ADAMTS20: variants seen among roughly 807,000 people sequenced by gnomAD.
ADAMTS20 encodes the protein A disintegrin and metalloproteinase with thrombospondin motifs 20.
A neutral mutation model predicts 260.1 loss-of-function variants in ADAMTS20; 225 were observed. The observed-to-expected ratio is 0.87, with a 90% CI of 0.78 to 0.97. ADAMTS20 has a LOEUF of 0.97. Among genes scored for constraint, ADAMTS20 ranks in the 50% least tolerant of loss-of-function variants. The pLI, the probability that ADAMTS20 is intolerant of heterozygous loss-of-function variation, is 0.00. For missense variants in ADAMTS20, 2,400 were observed against 2,337.7 expected (o/e 1.03, Z -0.55); for synonymous variants, 802 against 769.5 (o/e 1.04, Z -0.70).
chr12:43,479,530 A>G (rs1592090728), intron 7 of ADAMTS20, among the ~76,000 whole-genome samples: 1 of 152,142 alleles, frequency 6.6e-6, no homozygotes, highest in Non-Finnish European at 1.5e-5. Context: ...AATAAAAATA[A>G]CAAGTCTCCA....
At chr12:43,534,846 G>C (rs1943272403) in intron 2 of ADAMTS20, among the ~76,000 whole-genome samples, 1 of 152,160 alleles carries the variant, frequency 6.6e-6, no homozygotes, top group Admixed American at 6.6e-5. Context: ...TAGGAACAGT[G>C]CCGATAGAAG....
intron 7 of ADAMTS20, among the ~76,000 whole-genome samples, chr12:43,479,159 T>A (rs1222297784): frequency 3.9e-5 from 6 of 152,146 alleles, no homozygotes; most frequent in Non-Finnish European, 8.8e-5. Flanking sequence ...TTATCAGAGA[T>A]AAAGAGAGTC....
chr12:43,504,859 AT>A (rs1465007592), intron 3 of ADAMTS20, among the ~76,000 whole-genome samples: 1 of 152,226 alleles, frequency 6.6e-6, no homozygotes, highest in Non-Finnish European at 1.5e-5. Flanking sequence ...AATGACTAAA[AT>A]TACAAAGAGC....
intron 3 of ADAMTS20, among the ~76,000 whole-genome samples, chr12:43,524,718 G>A (rs995610438): frequency 6.6e-6 from 1 of 152,162 alleles, no homozygotes; most frequent in South Asian, 2.1e-4. Context: ...ACAAAATGCA[G>A]TGGAAACTTT....
At position 43,458,927 on chromosome 12, in the gene ADAMTS20, G is replaced by A. The variant is rs1046724480; in HGVS notation, c.1614+3968C>T. Among the ~76,000 whole-genome samples, 3 of 152,116 alleles carry A rather than the reference G, an allele frequency of 2.0e-5. No homozygotes were observed. The South Asian group carries it at 6.2e-4, about 32-fold the overall frequency. On this transcript the variant is annotated intron_variant, in intron 11 of 38. Coordinates refer to ENST00000389420, the MANE Select transcript of ADAMTS20 (RefSeq NM_025003.5). ...CCCAACCAATCAGGTAGTAAAGAGA[G>A]CTCACTAAAATGCTAATTAGGCAAA...
chr12:43,501,465 G>GCACA (rs1565573883), intron 4 of ADAMTS20, among the ~76,000 whole-genome samples: 2 of 34,900 alleles, frequency 5.7e-5, no homozygotes, highest in East Asian at 1.8e-3. Context: ...GGGGATACGC[G>GCACA]CGCGCGCGCG....
chr12:43,411,071 T>C (rs914840923), intron 28 of ADAMTS20, among the ~76,000 whole-genome samples: 2 of 152,196 alleles, frequency 1.3e-5, no homozygotes, highest in African/African-American at 4.8e-5. Flanking sequence ...ATCACAATAA[T>C]TTAACTCTTT....
chr12:43,382,181 T>A (rs1334019514), intron 31 of ADAMTS20, among the ~76,000 whole-genome samples: 1 of 152,274 alleles, frequency 6.6e-6, no homozygotes, highest in East Asian at 1.9e-4. Flanking sequence ...AAAACTTGTA[T>A]GCAAATGTTC....
Position 43,492,545 on chromosome 12 carries a change from C to T in ADAMTS20, c.1036G>A (p.Val346Ile), listed in dbSNP as rs773965169. Residue 346 changes from valine to isoleucine, a missense_variant, in exon 6 of 39, where the codon GTT becomes ATT. Coordinates refer to ENST00000389420, the MANE Select transcript of ADAMTS20 (RefSeq NM_025003.5). ...GCAGTGTCATGGTGGGAAGGGTGAA[C>T]ATCATCAAGGTCATTCTGAGTTTGT... is the stretch of plus-strand genomic sequence containing the variant. The part of the protein sequence containing the change: ...WQQTQNDLDD[V>I]HPSHHDTAVL... 7 of 1,613,628 alleles carry T rather than the reference C, an allele frequency of 4.3e-6. No homozygotes were observed. The highest frequency in any genetic ancestry group is 1.1e-5 in the South Asian group (1 of 91,068).
intron 35 of ADAMTS20, 67 bp downstream of exon 35, chr12:43,375,990 G>A (rs1167619848): frequency 3.4e-6 from 4 of 1,180,618 alleles, no homozygotes; most frequent in Non-Finnish European, 3.6e-6. Context: ...TCACTCTGAG[G>A]GCTAGAAGTT....
intron 36 of ADAMTS20, among the ~76,000 whole-genome samples, chr12:43,374,349 C>T (rs1940175526): frequency 6.6e-6 from 1 of 152,064 alleles, no homozygotes; most frequent in Admixed American, 6.5e-5. Flanking sequence ...CCATGCTAGG[C>T]ACTGATGATT....
At position 43,428,648 on chromosome 12, in the gene ADAMTS20, C is replaced by T; in HGVS notation, c.3641G>A (p.Gly1214Glu). ...AAGAATACTTACGGGTGACCAATCC[C>T]CTGCTTGCCACTCTCCACAAGGGGT... ...CFTPCGEWQA[G>E]DWSPCSASCG... Residue 1214 changes from glycine to glutamate, a missense_variant, in exon 25 of 39, where the codon GGG becomes GAG. Physicochemically the swap from Gly to Glu is moderately conservative, Grantham distance 98 (BLOSUM62 -2). Transcript: ENST00000389420. 6.3e-7 allele frequency: 1 copy of T among 1,587,672 alleles called. No homozygotes were observed. Among genetic ancestry groups the T allele is most frequent in the Non-Finnish European group, 8.6e-7 (1 of 1,165,920 alleles).
chr12:43,539,717 T>C (rs1943349766), intron 2 of ADAMTS20, among the ~76,000 whole-genome samples: 1 of 152,190 alleles, frequency 6.6e-6, no homozygotes, highest in Non-Finnish European at 1.5e-5. Context: ...AATCCTTTTC[T>C]GCCTTTTTTA....
intron 29 of ADAMTS20, among the ~76,000 whole-genome samples, chr12:43,393,717 C>T (rs1940643427): frequency 1.3e-5 from 2 of 151,830 alleles, no homozygotes; most frequent in Middle Eastern, 3.4e-3. Context: ...TGGTTTATTT[C>T]AAGGGAATCA....
chr12:43,462,053 AAGAGAAAAG>A (rs1194803591), intron 11 of ADAMTS20, among the ~76,000 whole-genome samples: 2 of 152,258 alleles, frequency 1.3e-5, no homozygotes, highest in Non-Finnish European at 2.9e-5. Context: ...CAAGTGATTC[AAGAGAAAAG>A]CAATAGCTAT....
intron 7 of ADAMTS20, among the ~76,000 whole-genome samples, chr12:43,475,082 T>C (rs2137401255): frequency 7.3e-6 from 1 of 136,686 alleles, no homozygotes; most frequent in South Asian, 2.8e-4. Flanking sequence ...ATTGTTTATC[T>C]AGAAAACCCC....
Position 43,425,534 on chromosome 12 carries a change from GC to G in ADAMTS20, c.4263del (p.Trp1421CysfsTer32). ...HMHACPADVS[W>X]HQEPWTSCSA... ...CATACCGATGTCCATGGTTCCTGAT[GC>G]CATGACACATCAGCAGGGCAAGCAT... On this transcript the variant is annotated frameshift_variant, in exon 28 of 39. Coordinates refer to ENST00000389420, the MANE Select transcript of ADAMTS20 (RefSeq NM_025003.5). LOFTEE classifies it high-confidence loss of function. 1 of 1,557,368 alleles carries G rather than the reference GC, an allele frequency of 6.4e-7. No homozygotes were observed. The highest frequency in any genetic ancestry group is 8.7e-7 in the Non-Finnish European group (1 of 1,145,996).
At chr12:43,457,245 T>G (rs79393382) in intron 11 of ADAMTS20, among the ~76,000 whole-genome samples, 3,437 of 152,302 alleles carry the variant, frequency 0.023, 74 homozygotes, top group East Asian at 0.11. Context: ...TTCTGTTGTT[T>G]TTTCTTTTTC....
Position 43,433,699 on chromosome 12 carries a change from CACAA to C in ADAMTS20, c.2720+542_2720+545del, listed in dbSNP as rs1042472389. The C allele has an allele frequency of 3.8e-5, 11 of 292,270 alleles. No individual in the cohort carries two copies. In the Admixed American group the frequency reaches 4.0e-4, roughly 11 times the overall value. The allele number at this position is 292,270 out of a possible 1,614,324, so 18.1% of individuals were successfully genotyped here. A position where few individuals can be genotyped will look rare whatever the true frequency, so the allele number is the denominator to read the frequency against. ...AATCACGCACACACACACATGCACA[CACAA>C]ACACACACACACACACACACACACA... On this transcript the variant is annotated intron_variant, in intron 19 of 38. Transcript: ENST00000389420.
Sources: allele counts gnomAD v4.1 joint callset (sites outside exome capture counted in the v4.1 genomes callset), GRCh38; gene constraint gnomAD v4.1.1; transcripts MANE v1.5; gene names NCBI Gene and HGNC (gene_info 2026-07-23, HGNC 2026-07-21).